The following CNTN4 variants were observed in gnomAD, a reference collection of about 807,000 sequenced individuals.
CNTN4 encodes contactin 4, also known as contactin-4.
A neutral mutation model predicts 122.5 loss-of-function variants in CNTN4; 77 were observed. That is an observed-to-expected ratio of 0.63 (90% CI 0.52 to 0.76). CNTN4 has a LOEUF of 0.76. Ranked by LOEUF, CNTN4 falls within the 30% of genes least tolerant of loss-of-function variation. The probability of loss-of-function intolerance (pLI) is 0.00; values close to 1 mark genes in which losing one functional copy is unlikely to be tolerated. For missense variants in CNTN4, 1,256 were observed against 1,259.1 expected, an observed-to-expected ratio of 1.00 and a Z score of 0.04; for synonymous variants, 512 against 447.0, an observed-to-expected ratio of 1.15 and a Z score of -1.83.
chr3:3,002,304 GA>G (rs1291406592), intron 14 of CNTN4, among the ~76,000 whole-genome samples: 2 of 152,146 alleles, frequency 1.3e-5, no homozygotes, highest in East Asian at 3.8e-4. Context: ...TCTGTTTGGG[GA>G]AAGTTCTGTG....
intron 3 of CNTN4, among the ~76,000 whole-genome samples, chr3:2,469,860 A>G (rs964087525): frequency 6.6e-6 from 1 of 152,184 alleles, no homozygotes; most frequent in African/African-American, 2.4e-5. Context: ...TCACTGTCTA[A>G]TTTAACTCAT....
At chr3:2,352,400 G>A (rs35220124) in intron 3 of CNTN4, among the ~76,000 whole-genome samples, 9,953 of 152,230 alleles carry the variant, frequency 0.065, 401 homozygotes, top group Middle Eastern at 0.079. Flanking sequence ...GGAGGGAAAG[G>A]CTCGGGTGGG....
chr3:2,333,570 G>A (rs1218908588), intron 2 of CNTN4, among the ~76,000 whole-genome samples: 1 of 152,154 alleles, frequency 6.6e-6, no homozygotes, highest in African/African-American at 2.4e-5. Flanking sequence ...TCTAAAGCCT[G>A]TTATGTATCA....
At chr3:2,141,985 T>C (rs569231264) in intron 2 of CNTN4, among the ~76,000 whole-genome samples, 176 of 152,324 alleles carry the variant, frequency 1.2e-3, no homozygotes, top group African/African-American at 4.2e-3. Context: ...TGCTGGTCAT[T>C]AGACCTCACT....
At chr3:2,113,339 T>C (rs566129723) in intron 2 of CNTN4, among the ~76,000 whole-genome samples, 2 of 152,360 alleles carry the variant, frequency 1.3e-5, no homozygotes, top group East Asian at 3.9e-4. Flanking sequence ...GTACATGATC[T>C]ATAGTTCAGA....
At chr3:2,853,393 C>A (rs1030267821) in intron 7 of CNTN4, among the ~76,000 whole-genome samples, 1 of 151,994 alleles carries the variant, frequency 6.6e-6, no homozygotes, top group African/African-American at 2.4e-5. Flanking sequence ...TACAGGTGCC[C>A]ACGACCACGC....
chr3:2,509,454 G>A (rs1483005466), intron 3 of CNTN4, among the ~76,000 whole-genome samples: 1 of 152,172 alleles, frequency 6.6e-6, no homozygotes, highest in African/African-American at 2.4e-5. Flanking sequence ...CAAAAGTTTA[G>A]TAAAATTTCA....
chr3:2,869,189 C>T (rs2093757764), intron 8 of CNTN4, among the ~76,000 whole-genome samples: 2 of 152,088 alleles, frequency 1.3e-5, no homozygotes, highest in Admixed American at 1.3e-4. Context: ...GAATTGTATG[C>T]AAAAGAGTGA....
At chr3:2,570,647 G>A (rs1190773904) in intron 3 of CNTN4, among the ~76,000 whole-genome samples, 1 of 152,076 alleles carries the variant, frequency 6.6e-6, no homozygotes. Context: ...CTTAAGCAAG[G>A]ACATGCCTCC....
intron 9 of CNTN4, among the ~76,000 whole-genome samples, chr3:2,884,767 T>G (rs1175006423): frequency 1.3e-5 from 2 of 152,216 alleles, no homozygotes; most frequent in Admixed American, 1.3e-4. Context: ...TTCACGTTGT[T>G]CACACTTCAA....
chr3:2,678,899 T>C (rs2150462959), intron 4 of CNTN4, among the ~76,000 whole-genome samples: 1 of 137,112 alleles, frequency 7.3e-6, no homozygotes, highest in East Asian at 2.1e-4. Flanking sequence ...GTTCCTTTTC[T>C]TTACTTGGAT....
At chr3:2,356,417 TA>T (rs1360805652) in intron 3 of CNTN4, among the ~76,000 whole-genome samples, 1 of 152,136 alleles carries the variant, frequency 6.6e-6, no homozygotes, top group Non-Finnish European at 1.5e-5. Flanking sequence ...TTAGACCGTA[TA>T]GGGTAACTTC....
intron 2 of CNTN4, among the ~76,000 whole-genome samples, chr3:2,104,492 A>G (rs2032271838): frequency 6.6e-6 from 1 of 152,170 alleles, no homozygotes; most frequent in African/African-American, 2.4e-5. Flanking sequence ...CATTCAGGGA[A>G]TCAGGTTCCT....
At chr3:2,964,155 C>G (rs972442499) in intron 13 of CNTN4, among the ~76,000 whole-genome samples, 4 of 152,154 alleles carry the variant, frequency 2.6e-5, no homozygotes, top group Non-Finnish European at 4.4e-5. Context: ...TCAGACCTGA[C>G]TGATACACAA....
intron 3 of CNTN4, among the ~76,000 whole-genome samples, chr3:2,353,032 A>G (rs1182140641): frequency 6.6e-6 from 1 of 151,926 alleles, no homozygotes; most frequent in Non-Finnish European, 1.5e-5. Context: ...GTCTAGCTCA[A>G]GGTTTGTAAA....
At chr3:2,889,819 A>G (rs930052918) in intron 10 of CNTN4, among the ~76,000 whole-genome samples, 10 of 152,284 alleles carry the variant, frequency 6.6e-5, no homozygotes, top group Non-Finnish European at 1.3e-4. Flanking sequence ...GGGTCGGCAT[A>G]CTGCTTTCCT....
rs1370976101 is a variant in CNTN4, at chr3:2,707,445, G to A, written c.56-28770G>A. On this transcript the variant is annotated intron_variant, in intron 4 of 24. Coordinates refer to ENST00000418658, the MANE Select transcript of CNTN4 (RefSeq NM_175607.3). Reference sequence around the variant, plus strand: ...TTTAATTCAACTCTTAATTCCAAAGGGGTAGTACAGATAGCTGCATAAGAA... The same window carrying A: ...TTTAATTCAACTCTTAATTCCAAAGAGGTAGTACAGATAGCTGCATAAGAA... Among the ~76,000 whole-genome samples the A allele has an allele frequency of 2.6e-5, 4 of 152,200 alleles. No homozygotes were observed. In the East Asian group the frequency reaches 7.7e-4, roughly 29 times the overall value.
At chr3:2,717,791 C>CAGT (rs201038157) in intron 4 of CNTN4, among the ~76,000 whole-genome samples, 1 of 2,098 alleles carries the variant, frequency 4.8e-4, no homozygotes, top group African/African-American at 3.8e-3. Context: ...GTAATCACTC[C>CAGT]AATACTTGCC....
intron 3 of CNTN4, among the ~76,000 whole-genome samples, chr3:2,515,524 C>T (rs375393228): frequency 1.5e-4 from 23 of 151,938 alleles, no homozygotes; most frequent in Non-Finnish European, 2.6e-4. Flanking sequence ...ATTTTATTAA[C>T]AAATAGATAC....
Sources: allele counts gnomAD v4.1 joint callset (sites outside exome capture counted in the v4.1 genomes callset), GRCh38; gene constraint gnomAD v4.1.1; transcripts MANE v1.5; gene names NCBI Gene and HGNC (gene_info 2026-07-23, HGNC 2026-07-21).